KIF6: variants seen among roughly 807,000 people sequenced by gnomAD.
KIF6 encodes the protein kinesin-like protein KIF6.
A neutral mutation model predicts 112.7 loss-of-function variants in KIF6; 106 were observed. That is an observed-to-expected ratio of 0.94 (90% CI 0.80 to 1.11). The LOEUF (loss-of-function observed/expected upper bound fraction) is 1.11. Ranked by LOEUF, KIF6 falls within the 50% of genes least tolerant of loss-of-function variation. KIF6 has a pLI of 0.00. For missense variants in KIF6, 929 were observed against 964.0 expected, an observed-to-expected ratio of 0.96 and a Z score of 0.48; for synonymous variants, 339 against 339.9, an observed-to-expected ratio of 1.00 and a Z score of 0.03.
At chr6:39,697,889 C>T (rs1198513630) in intron 3 of KIF6, among the ~76,000 whole-genome samples, 1 of 152,134 alleles carries the variant, frequency 6.6e-6, no homozygotes, top group Admixed American at 6.5e-5. Flanking sequence ...AGTTCACTGG[C>T]ATATTAAGGA....
At chr6:39,437,078 T>C (rs1284070699) in intron 13 of KIF6, among the ~76,000 whole-genome samples, 1 of 152,220 alleles carries the variant, frequency 6.6e-6, no homozygotes, top group East Asian at 1.9e-4. Flanking sequence ...TAGAGATTTT[T>C]CACCTCATTT....
At chr6:39,665,190 G>T (rs560852248) in intron 3 of KIF6, among the ~76,000 whole-genome samples, 2 of 152,284 alleles carry the variant, frequency 1.3e-5, no homozygotes. Context: ...GGAAAACCAT[G>T]ATGGGTCACC....
At chr6:39,406,104 C>A (rs958857050) in intron 15 of KIF6, among the ~76,000 whole-genome samples, 4 of 152,154 alleles carry the variant, frequency 2.6e-5, no homozygotes, top group African/African-American at 7.2e-5. Flanking sequence ...CTCACTGCAA[C>A]CTCCGCCTGG....
chr6:39,670,713 C>T (rs1273704090), intron 3 of KIF6, among the ~76,000 whole-genome samples: 6 of 152,156 alleles, frequency 3.9e-5, no homozygotes, highest in African/African-American at 1.4e-4. Flanking sequence ...ACTTTAGGGT[C>T]TGGCTCACTC....
chr6:39,341,572 T>C (rs1763327886), intron 22 of KIF6, among the ~76,000 whole-genome samples: 1 of 152,184 alleles, frequency 6.6e-6, no homozygotes, highest in Non-Finnish European at 1.5e-5. Context: ...TATTTCTTTT[T>C]CTAGCTTAGA....
chr6:39,654,785 G>A (rs1299900017), intron 3 of KIF6, among the ~76,000 whole-genome samples: 2 of 152,022 alleles, frequency 1.3e-5, no homozygotes, highest in Admixed American at 6.6e-5. Context: ...AATATTCTAC[G>A]TATTCCTGCG....
chr6:39,617,601 G>A (rs1028303161), intron 5 of KIF6: 5 of 408,218 alleles, frequency 1.2e-5, no homozygotes, highest in African/African-American at 8.1e-5. Flanking sequence ...CACATCATGG[G>A]TTTGTATAGT....
intron 5 of KIF6, among the ~76,000 whole-genome samples, chr6:39,628,643 T>A (rs1784211229): frequency 6.6e-6 from 1 of 152,156 alleles, no homozygotes; most frequent in African/African-American, 2.4e-5. Flanking sequence ...AAGTTGTTAA[T>A]TATCTCAATA....
At chr6:39,641,001 G>C (rs375483544) in intron 3 of KIF6, among the ~76,000 whole-genome samples, 274 of 152,124 alleles carry the variant, frequency 1.8e-3, no homozygotes, top group African/African-American at 6.3e-3. Flanking sequence ...ACTTTTCTTC[G>C]TGTGTCTTTA....
intron 13 of KIF6, among the ~76,000 whole-genome samples, chr6:39,534,491 G>A (rs1335734963): frequency 1.3e-5 from 2 of 152,162 alleles, no homozygotes; most frequent in Non-Finnish European, 2.9e-5. Context: ...ATGAAATGAA[G>A]CAAGAAGGGA....
At chr6:39,680,954 T>C (rs1371324034) in intron 3 of KIF6, among the ~76,000 whole-genome samples, 1 of 152,124 alleles carries the variant, frequency 6.6e-6, no homozygotes, top group Non-Finnish European at 1.5e-5. Flanking sequence ...ATAAATACAA[T>C]TACAATATGA....
chr6:39,525,637 C>T (rs1234382359), intron 13 of KIF6, among the ~76,000 whole-genome samples: 1 of 151,884 alleles, frequency 6.6e-6, no homozygotes, highest in Non-Finnish European at 1.5e-5. Context: ...TACCTATAAT[C>T]CAGCTACTCG....
In KIF6 at chr6:39,362,531, G is replaced by C. The variant is rs375329149; in HGVS notation, c.1862-13C>G. 1.0e-4 allele frequency: 164 copies of C among 1,580,878 alleles called. No individual in the cohort carries two copies. The highest frequency in any genetic ancestry group is 6.1e-5 in the Non-Finnish European group (70 of 1,149,598). On this transcript the variant is annotated splice_polypyrimidine_tract_variant and intron_variant, in intron 16 of 22. Transcript: ENST00000287152. ...TTTTCCGAGATTCCTGTAGAAGGAAGGTGCCAATGGGATGGTGAGAAAGAA... is the reference window on the plus strand; with the variant it reads ...TTTTCCGAGATTCCTGTAGAAGGAACGTGCCAATGGGATGGTGAGAAAGAA...
At chr6:39,488,019 A>C (rs1001695782) in intron 13 of KIF6, among the ~76,000 whole-genome samples, 2 of 152,198 alleles carry the variant, frequency 1.3e-5, no homozygotes, top group African/African-American at 4.8e-5. Flanking sequence ...CTATCTAATC[A>C]TCCATCCACT....
intron 6 of KIF6, among the ~76,000 whole-genome samples, chr6:39,608,217 A>G (rs974241767): frequency 2.0e-5 from 3 of 152,184 alleles, no homozygotes; most frequent in African/African-American, 7.2e-5. Flanking sequence ...AATCTAGTAC[A>G]CATGCTCCAC....
intron 1 of KIF6, among the ~76,000 whole-genome samples, chr6:39,721,177 A>G (rs957365342): frequency 6.6e-6 from 1 of 152,184 alleles, no homozygotes; most frequent in Non-Finnish European, 1.5e-5. Flanking sequence ...ACATTTTACT[A>G]CAATCAATAA....
At chr6:39,549,156 A>G (rs1160118954) in intron 10 of KIF6, among the ~76,000 whole-genome samples, 1 of 151,830 alleles carries the variant, frequency 6.6e-6, no homozygotes, top group East Asian at 1.9e-4. Flanking sequence ...AGAACTGACC[A>G]TATTTCCTAA....
intron 13 of KIF6, among the ~76,000 whole-genome samples, chr6:39,501,443 T>C (rs1414598948): frequency 6.6e-6 from 1 of 152,032 alleles, no homozygotes; most frequent in East Asian, 1.9e-4. Flanking sequence ...CCACAACATC[T>C]CTCCAGCAAG....
intron 13 of KIF6, among the ~76,000 whole-genome samples, chr6:39,504,153 C>A (rs1776303502): frequency 6.6e-6 from 1 of 152,154 alleles, no homozygotes; most frequent in African/African-American, 2.4e-5. Flanking sequence ...AAAACCTTAT[C>A]CACCATGATC....
Sources: allele counts gnomAD v4.1 joint callset (sites outside exome capture counted in the v4.1 genomes callset), GRCh38; gene constraint gnomAD v4.1.1; transcripts MANE v1.5; gene names NCBI Gene and HGNC (gene_info 2026-07-23, HGNC 2026-07-21).